The following ANKS1B variants were observed in gnomAD, a reference collection of about 807,000 sequenced individuals.
ANKS1B encodes the protein ankyrin repeat and sterile alpha motif domain-containing protein 1B.
A neutral mutation model predicts 148.3 loss-of-function variants in ANKS1B; 36 were observed. That is an observed-to-expected ratio of 0.24 (90% CI 0.19 to 0.32). The LOEUF is 0.32. Among genes scored for constraint, ANKS1B ranks in the 10% least tolerant of loss-of-function variants. ANKS1B has a pLI of 1.00. For synonymous variants in ANKS1B, 542 were observed against 560.8 expected (o/e 0.97, Z 0.47); for missense variants, 1,157 against 1,542.6 (o/e 0.75, Z 4.19).
chr12:99,441,244 T>C (rs1004772939), intron 11 of ANKS1B, among the ~76,000 whole-genome samples: 16 of 151,856 alleles, frequency 1.1e-4, no homozygotes, highest in African/African-American at 3.9e-4. Context: ...AATTATCTTT[T>C]CTTTGGAACA....
intron 9 of ANKS1B, among the ~76,000 whole-genome samples, chr12:99,510,681 T>C (rs903465224): frequency 2.0e-5 from 3 of 152,024 alleles, no homozygotes; most frequent in Admixed American, 6.6e-5. Flanking sequence ...TTTAGAATAT[T>C]ACATAAACTT....
At chr12:99,171,788 G>A (rs1385477636) in intron 14 of ANKS1B, among the ~76,000 whole-genome samples, 1 of 152,108 alleles carries the variant, frequency 6.6e-6, no homozygotes, top group Non-Finnish European at 1.5e-5. Context: ...TTTTAAGGTT[G>A]CTGGCAAGTG....
At chr12:99,553,265 A>C (rs2097241301) in intron 9 of ANKS1B, among the ~76,000 whole-genome samples, 2 of 152,190 alleles carry the variant, frequency 1.3e-5, no homozygotes, top group African/African-American at 4.8e-5. Context: ...TTTTAAGGAA[A>C]ATTAGGATAG....
intron 1 of ANKS1B, among the ~76,000 whole-genome samples, chr12:99,868,755 A>G (rs78174982): frequency 0.024 from 3,653 of 152,236 alleles, 147 homozygotes; most frequent in African/African-American, 0.083. Flanking sequence ...ATAAAACATT[A>G]TTTTAAAAAT....
At chr12:99,377,444 T>C (rs566380689) in intron 12 of ANKS1B, among the ~76,000 whole-genome samples, 13 of 152,286 alleles carry the variant, frequency 8.5e-5, no homozygotes, top group Non-Finnish European at 1.5e-4. Context: ...GACAGTTTTA[T>C]TTCCTAGGAA....
chr12:99,507,530 G>A (rs2096723620), intron 9 of ANKS1B, among the ~76,000 whole-genome samples: 1 of 151,848 alleles, frequency 6.6e-6, no homozygotes, highest in Non-Finnish European at 1.5e-5. Flanking sequence ...GTTTCACTCT[G>A]TGAATGTGTG....
At chr12:98,794,662 T>C in intron 22 of ANKS1B, 1 of 885,692 alleles carries the variant, frequency 1.1e-6, no homozygotes, top group Non-Finnish European at 1.9e-6. Flanking sequence ...GGAAAGCAGC[T>C]GGTAAAGAGC....
chr12:99,371,689 C>T (rs2093143657), intron 12 of ANKS1B, among the ~76,000 whole-genome samples: 1 of 152,068 alleles, frequency 6.6e-6, no homozygotes, highest in Admixed American at 6.5e-5. Flanking sequence ...TTCAGTTTTA[C>T]AATTTCATAT....
At chr12:99,465,153 A>C (rs1273665516) in intron 10 of ANKS1B, among the ~76,000 whole-genome samples, 1 of 152,216 alleles carries the variant, frequency 6.6e-6, no homozygotes, top group African/African-American at 2.4e-5. Flanking sequence ...TTCTTAAAGA[A>C]AAGAATTTTC....
At position 98,853,848 on chromosome 12, in the gene ANKS1B, TCTAA is replaced by T. The variant is rs2099546656; in HGVS notation, c.2779-21716_2779-21713del. Among the ~76,000 whole-genome samples the T allele has an allele frequency of 2.6e-5, 4 of 152,020 alleles. No individual in the cohort carries two copies. The South Asian group carries it at 8.3e-4, about 32-fold the overall frequency. On this transcript the variant is annotated intron_variant, in intron 17 of 26. Transcript: ENST00000683438. ...GCTGGCATGTGGTAGGCATTCAGGG[TCTAA>T]CTGTTGTTTTAATGAACAAACAGAC... is the stretch of plus-strand genomic sequence containing the variant.
chr12:99,952,392 T>G (rs1273430001), intron 1 of ANKS1B, among the ~76,000 whole-genome samples: 1 of 152,222 alleles, frequency 6.6e-6, no homozygotes, highest in Non-Finnish European at 1.5e-5. Flanking sequence ...CTTCTAAAAT[T>G]TTTTATGTTA....
At chr12:99,171,182 T>C (rs1397240297) in intron 14 of ANKS1B, among the ~76,000 whole-genome samples, 2 of 152,176 alleles carry the variant, frequency 1.3e-5, no homozygotes, top group Non-Finnish European at 2.9e-5. Context: ...TATTTTTAAC[T>C]AGTAAGTAGC....
In ANKS1B at chr12:99,504,497, T is replaced by C; in HGVS notation, c.1417A>G (p.Arg473Gly). The C allele has an allele frequency of 1.2e-6, 2 of 1,612,266 alleles. No individual in the cohort carries two copies. The highest frequency in any genetic ancestry group is 1.7e-6 in the Non-Finnish European group (2 of 1,179,358). ...TKKPCSLEIA[R>G]APSPRTDNAS... The stretch of plus-strand genomic sequence containing the variant: ...TTACCAGTTCTTGGGGAAGGTGCCC[T>C]TGCAATTTCTAAGGAGCAAGGTTTC... The change falls in exon 10 of 27, where the codon AGG becomes GGG. Residue 473 changes from arginine (R) to glycine (G), a missense_variant. This residue lies in a region of ANKS1B where 661 missense variants were observed against 642.1 expected (regional missense o/e 1.03). Transcript: ENST00000683438.
chr12:98,822,385 C>T (rs1420983974), intron 19 of ANKS1B, among the ~76,000 whole-genome samples: 2 of 152,176 alleles, frequency 1.3e-5, no homozygotes, highest in East Asian at 1.9e-4. Flanking sequence ...ACAGCCAAAA[C>T]TGACCTGTGG....
chr12:99,797,904 T>C (rs1225149956), intron 4 of ANKS1B, among the ~76,000 whole-genome samples: 1 of 152,006 alleles, frequency 6.6e-6, no homozygotes, highest in African/African-American at 2.4e-5. Context: ...GGGTTTCAGC[T>C]TCCCTTCTTT....
chr12:99,617,804 AT>A (rs1157508893), intron 9 of ANKS1B, among the ~76,000 whole-genome samples: 7 of 126,336 alleles, frequency 5.5e-5, no homozygotes, highest in East Asian at 2.6e-4. Flanking sequence ...TTAAAGTAAG[AT>A]TTAAAAAAAA....
At chr12:99,372,220 C>T (rs1288490258) in intron 12 of ANKS1B, among the ~76,000 whole-genome samples, 4 of 151,816 alleles carry the variant, frequency 2.6e-5, no homozygotes. Context: ...AGGCTGTGCA[C>T]TTGTGGGGAG....
intron 8 of ANKS1B, among the ~76,000 whole-genome samples, chr12:99,748,909 C>A (rs138914805): frequency 4.2e-4 from 64 of 152,108 alleles, no homozygotes; most frequent in African/African-American, 1.5e-3. Context: ...ATATTCTGTC[C>A]TACTGAATTA....
intron 9 of ANKS1B, among the ~76,000 whole-genome samples, chr12:99,633,669 C>T (rs1038101775): frequency 2.0e-5 from 3 of 152,084 alleles, no homozygotes; most frequent in African/African-American, 7.2e-5. Flanking sequence ...TTCTGCACAG[C>T]AAAAGAAACT....
Sources: gnomAD v4.1 joint callset for allele counts (sites outside exome capture counted in the v4.1 genomes callset) on GRCh38, gnomAD v4.1.1 for gene constraint, gnomAD v4.1.1 regional missense constraint, MANE v1.5 for transcripts, NCBI Gene and HGNC (gene_info 2026-07-23, HGNC 2026-07-21) for gene names.